Variants in TMEM108 observed in about 807,000 individuals in gnomAD.
TMEM108 encodes the protein transmembrane protein 108.
Under a neutral mutation model 35.1 loss-of-function variants are expected in TMEM108, and 12 were observed. That is an observed-to-expected ratio of 0.34 (90% CI 0.22 to 0.55). TMEM108 has a LOEUF of 0.55. Ranked by LOEUF, TMEM108 falls within the 20% of genes least tolerant of loss-of-function variation. The pLI, the probability that TMEM108 is intolerant of heterozygous loss-of-function variation, is 0.89. For synonymous variants in TMEM108, 287 were observed against 308.6 expected, an observed-to-expected ratio of 0.93 and a Z score of 0.73; for missense variants, 680 against 753.3, an observed-to-expected ratio of 0.90 and a Z score of 1.14.
At chr3:133,199,255 G>C (rs2076831626) in intron 2 of TMEM108, among the ~76,000 whole-genome samples, 1 of 152,188 alleles carries the variant, frequency 6.6e-6, no homozygotes, top group African/African-American at 2.4e-5. Flanking sequence ...GCTCGGAGAA[G>C]TTTGATCATC....
intron 3 of TMEM108, among the ~76,000 whole-genome samples, chr3:133,355,092 G>A (rs575284325): frequency 1.4e-4 from 21 of 152,262 alleles, no homozygotes; most frequent in African/African-American, 2.6e-4. Context: ...TTCCACCCAC[G>A]TGACTTCCAG....
intron 3 of TMEM108, among the ~76,000 whole-genome samples, chr3:133,230,763 A>G (rs773391621): frequency 6.6e-6 from 1 of 152,130 alleles, no homozygotes; most frequent in Non-Finnish European, 1.5e-5. Flanking sequence ...TTTGCATAAT[A>G]TTTTAGGGTC....
chr3:133,185,589 C>T (rs66984248), intron 2 of TMEM108, among the ~76,000 whole-genome samples: 29,463 of 150,476 alleles, frequency 0.2, 3,311 homozygotes, highest in East Asian at 0.48. Context: ...GACATTTTGC[C>T]TCTGTGTGTC....
chr3:133,057,531 T>G (rs1487255969), intron 2 of TMEM108, among the ~76,000 whole-genome samples: 1 of 146,746 alleles, frequency 6.8e-6, no homozygotes, highest in Non-Finnish European at 1.5e-5. Flanking sequence ...GCCCATGAGT[T>G]TATTGGTGAG....
chr3:133,089,407 A>AT (rs1943921440), intron 2 of TMEM108, among the ~76,000 whole-genome samples: 1 of 152,210 alleles, frequency 6.6e-6, no homozygotes, highest in Non-Finnish European at 1.5e-5. Context: ...TTTTACTCTC[A>AT]TGTCCTTTGA....
At chr3:133,139,267 G>T (rs1944608449) in intron 2 of TMEM108, among the ~76,000 whole-genome samples, 3 of 152,070 alleles carry the variant, frequency 2.0e-5, no homozygotes, top group Admixed American at 6.5e-5. Flanking sequence ...TAATCCTTTG[G>T]ATATATACCC....
intron 3 of TMEM108, among the ~76,000 whole-genome samples, chr3:133,316,735 G>A (rs1206563712): frequency 6.6e-6 from 1 of 152,218 alleles, no homozygotes; most frequent in African/African-American, 2.4e-5. Context: ...TAGCTGGCAA[G>A]GTCCCCAGGG....
chr3:133,095,652 A>G (rs1210299091), intron 2 of TMEM108, among the ~76,000 whole-genome samples: 1 of 152,078 alleles, frequency 6.6e-6, no homozygotes, highest in African/African-American at 2.4e-5. Flanking sequence ...CATAAGGAGG[A>G]TGCAACCTAG....
intron 3 of TMEM108, among the ~76,000 whole-genome samples, chr3:133,302,915 G>A (rs528700130): frequency 5.9e-5 from 9 of 152,140 alleles, no homozygotes; most frequent in African/African-American, 1.4e-4. Context: ...CTTATTTCAC[G>A]CCTTGGTGAA....
intron 3 of TMEM108, among the ~76,000 whole-genome samples, chr3:133,292,987 C>T (rs1458161716): frequency 6.6e-6 from 1 of 152,116 alleles, no homozygotes; most frequent in Non-Finnish European, 1.5e-5. Context: ...CAAGTGATGT[C>T]TTAGGTGAAT....
At chr3:133,279,935 A>G (rs550709780) in intron 3 of TMEM108, among the ~76,000 whole-genome samples, 21 of 152,352 alleles carry the variant, frequency 1.4e-4, no homozygotes, top group African/African-American at 5.1e-4. Flanking sequence ...AAAATATAAT[A>G]TTATGCCAAC....
At chr3:133,368,592 T>C (rs909571010) in intron 3 of TMEM108, among the ~76,000 whole-genome samples, 2 of 151,994 alleles carry the variant, frequency 1.3e-5, no homozygotes, top group South Asian at 4.2e-4. Context: ...TTAATGTTAA[T>C]CACAGAAGCA....
chr3:133,394,307 C>T (rs75416513), intron 5 of TMEM108, among the ~76,000 whole-genome samples: 4,855 of 152,356 alleles, frequency 0.032, 101 homozygotes, highest in Non-Finnish European at 0.048. Context: ...GCCCTGCCCC[C>T]ACTGCTGTGT....
At chr3:133,367,102 C>T (rs1022972672) in intron 3 of TMEM108, among the ~76,000 whole-genome samples, 3 of 152,222 alleles carry the variant, frequency 2.0e-5, no homozygotes, top group Non-Finnish European at 4.4e-5. Context: ...AGCCTGCATT[C>T]CATGAAATGG....
At chr3:133,069,761 T>G (rs780278434) in intron 2 of TMEM108, among the ~76,000 whole-genome samples, 7 of 152,166 alleles carry the variant, frequency 4.6e-5, no homozygotes, top group Non-Finnish European at 7.3e-5. Flanking sequence ...GCATGATCTG[T>G]CCAGGCTTTG....
chr3:133,192,085 C>G (rs1020429498), intron 2 of TMEM108, among the ~76,000 whole-genome samples: 1 of 151,978 alleles, frequency 6.6e-6, no homozygotes, highest in Non-Finnish European at 1.5e-5. Context: ...TGTCCCATGG[C>G]CAAAGCTGCA....
chr3:133,151,815 T>A (rs974054153), intron 2 of TMEM108, among the ~76,000 whole-genome samples: 1 of 152,188 alleles, frequency 6.6e-6, no homozygotes, highest in Non-Finnish European at 1.5e-5. Flanking sequence ...ATCTTGTCAC[T>A]TTAAATTAAG....
At chr3:133,300,060 G>A (rs543880879) in intron 3 of TMEM108, among the ~76,000 whole-genome samples, 4 of 152,074 alleles carry the variant, frequency 2.6e-5, no homozygotes, top group African/African-American at 4.8e-5. Flanking sequence ...AGTTAGAATC[G>A]GTAGACTACT....
At chr3:133,297,222 T>A (rs146190394) in intron 3 of TMEM108, among the ~76,000 whole-genome samples, 41 of 152,330 alleles carry the variant, frequency 2.7e-4, no homozygotes, top group African/African-American at 9.4e-4. Context: ...CACACTTCCC[T>A]CTGCCTGAGA....
Sources: gnomAD v4.1 joint callset for allele counts (sites outside exome capture counted in the v4.1 genomes callset) on GRCh38, gnomAD v4.1.1 for gene constraint, MANE v1.5 for transcripts, NCBI Gene and HGNC (gene_info 2026-07-23, HGNC 2026-07-21) for gene names.